The following ATRX variants were observed in gnomAD, a reference collection of about 807,000 sequenced individuals.
ATRX encodes the protein chromatin remodeler ATRX.
A neutral mutation model predicts 172.6 loss-of-function variants in ATRX; 12 were observed. The observed-to-expected ratio is 0.07, with a 90% CI of 0.04 to 0.11. ATRX has a LOEUF of 0.11. ATRX is among the 10% of genes least tolerant of loss of function. The pLI is 1.00. For missense variants in ATRX, 1,368 were observed against 1,767.4 expected, an observed-to-expected ratio of 0.77 and a Z score of 4.05; for synonymous variants, 674 against 594.7, an observed-to-expected ratio of 1.13 and a Z score of -1.94.
chrX:77,774,493 C>T (rs944963048), intron 1 of ATRX, among the ~76,000 whole-genome samples: 40 of 110,695 alleles, frequency 3.6e-4, no homozygotes, highest in African/African-American at 1.1e-3. Flanking sequence ...CTGGCTAACA[C>T]GGTGAAAACC....
chrX:77,664,782 GA>G lies in ATRX; in HGVS notation c.3810-5del. 1 of 1,196,410 alleles carries G rather than the reference GA, an allele frequency of 8.4e-7. No homozygotes were observed. The highest frequency in any genetic ancestry group is 1.1e-6 in the Non-Finnish European group (1 of 885,349). On this transcript the variant is annotated splice_region_variant and splice_polypyrimidine_tract_variant and intron_variant, in intron 10 of 34. Transcript: ENST00000373344. ...TAAAAGCATCTTCTTGGCAATTCTT[GA>G]GAGTAAAAAACAATAAAAAAAGAAC...
intron 1 of ATRX, among the ~76,000 whole-genome samples, chrX:77,770,172 G>A (rs2076110709): frequency 9.2e-6 from 1 of 108,268 alleles, no homozygotes; most frequent in Non-Finnish European, 1.9e-5. Context: ...GCACAATCTC[G>A]GCTCACTGCA....
intron 34 of ATRX, among the ~76,000 whole-genome samples, chrX:77,514,698 G>C (rs1324716685): frequency 1.8e-5 from 2 of 112,003 alleles, no homozygotes; most frequent in African/African-American, 6.5e-5. Context: ...TATAGGAATG[G>C]GCAAAGATTT....
At chrX:77,607,069 T>C (rs1170082446) in intron 22 of ATRX, among the ~76,000 whole-genome samples, 2 of 111,689 alleles carry the variant, frequency 1.8e-5, no homozygotes, top group Non-Finnish European at 3.8e-5. Context: ...CTCTAAGATC[T>C]TGAACACAAC....
intron 30 of ATRX, among the ~76,000 whole-genome samples, chrX:77,535,453 T>C (rs963090681): frequency 2.7e-4 from 30 of 112,072 alleles, no homozygotes; most frequent in African/African-American, 8.7e-4. Flanking sequence ...CCTTTAAAAA[T>C]TGGATATCCA....
chrX:77,777,189 ACT>A (rs1491414493), intron 1 of ATRX, among the ~76,000 whole-genome samples: 45 of 68,299 alleles, frequency 6.6e-4, no homozygotes, highest in African/African-American at 2.8e-3. Context: ...CCCTGTCTCT[ACT>A]AAAAAAAAAA....
rs1557106474 is a variant in ATRX at position 77,633,284 on chromosome X, T to C, written c.5057A>G (p.Tyr1686Cys). 8.3e-7 allele frequency: 1 copy of C among 1,208,052 alleles called. No homozygotes were observed. Among genetic ancestry groups the C allele is most frequent in the African/African-American group, 1.8e-5 (1 of 57,142 alleles). Residue 1686 changes from tyrosine (Y) to cysteine (C), a missense_variant, in exon 19 of 35, where the codon TAT becomes TGT. This residue lies in a region of ATRX where 23 missense variants were observed against 143.8 expected (regional missense o/e 0.16). Transcript: ENST00000373344. ...ATTCCTTCCTTGAGCAAGATTTCTA[T>C]ACATCTCATAGCCTATGATCATAAC... is the stretch of plus-strand genomic sequence containing the variant. Reference protein sequence around the residue: ...GGVMIIGYEMYRNLAQGRNVK... With the variant: ...GGVMIIGYEMCRNLAQGRNVK...
At chrX:77,559,001 G>C (rs1236319627) in intron 28 of ATRX, among the ~76,000 whole-genome samples, 155 bp from the exon 29 acceptor site, 1 of 110,527 alleles carries the variant, frequency 9.0e-6, no homozygotes, top group Non-Finnish European at 1.9e-5. Context: ...TATTATCTAA[G>C]GAGTCAGGAT....
At chrX:77,518,252 T>A (rs1225156433) in intron 34 of ATRX, among the ~76,000 whole-genome samples, 1 of 112,203 alleles carries the variant, frequency 8.9e-6, no homozygotes, top group African/African-American at 3.2e-5. Flanking sequence ...AATGTTATGA[T>A]CTGGTATTTG....
chrX:77,699,227 G>A (rs1215818095), intron 2 of ATRX, among the ~76,000 whole-genome samples: 3 of 110,327 alleles, frequency 2.7e-5, no homozygotes, highest in East Asian at 2.8e-4. Context: ...TCAACCTCCC[G>A]GGTTCAGGTG....
intron 2 of ATRX, 123 bp from the exon 3 acceptor site, chrX:77,698,752 C>G (rs2072331273): frequency 1.8e-6 from 1 of 540,818 alleles, no homozygotes; most frequent in East Asian, 3.6e-5. Context: ...TGTTAACATA[C>G]TACTCACATT....
intron 9 of ATRX, among the ~76,000 whole-genome samples, chrX:77,680,261 A>G (rs1169783667): frequency 2.7e-5 from 3 of 112,175 alleles, no homozygotes; most frequent in Non-Finnish European, 5.6e-5. Context: ...GTGAACTTGA[A>G]GTTACAATAG....
intron 15 of ATRX, among the ~76,000 whole-genome samples, chrX:77,643,790 T>C (rs1420598140): frequency 9.0e-6 from 1 of 111,197 alleles, no homozygotes; most frequent in Admixed American, 9.5e-5. Flanking sequence ...TGTGTCCAGG[T>C]AAAATACATG....
chrX:77,657,064 G>T (rs186701484), intron 12 of ATRX, among the ~76,000 whole-genome samples: 1 of 111,635 alleles, frequency 9.0e-6, no homozygotes, highest in African/African-American at 3.2e-5. Context: ...CACAACCGAA[G>T]AACTCGGAAA....
intron 12 of ATRX, among the ~76,000 whole-genome samples, chrX:77,657,200 A>T (rs1412727334): frequency 9.0e-6 from 1 of 111,457 alleles, no homozygotes; most frequent in East Asian, 2.8e-4. Context: ...CCTGGTTTTG[A>T]CCAGAAGGCA....
intron 22 of ATRX, among the ~76,000 whole-genome samples, chrX:77,609,084 C>T (rs1233403668): frequency 9.0e-6 from 1 of 111,630 alleles, no homozygotes; most frequent in Non-Finnish European, 1.9e-5. Flanking sequence ...AAAAGACAGA[C>T]AAACGCTGGC....
At chrX:77,651,987 G>A (rs1034089094) in intron 15 of ATRX, 127 bp downstream of exon 15, 3 of 659,773 alleles carry the variant, frequency 4.5e-6, no homozygotes, top group Middle Eastern at 4.4e-4. Context: ...ACTCACGCCT[G>A]TAATCCCAGA....
chrX:77,774,822 G>C (rs1043915436), intron 1 of ATRX, among the ~76,000 whole-genome samples: 2 of 111,829 alleles, frequency 1.8e-5, no homozygotes, highest in Non-Finnish European at 3.8e-5. Context: ...TGATCCTCCT[G>C]ACTCTAGCTT....
intron 2 of ATRX, among the ~76,000 whole-genome samples, chrX:77,701,629 G>A (rs1282929906): frequency 9.0e-6 from 1 of 111,232 alleles, no homozygotes; most frequent in African/African-American, 3.3e-5. Flanking sequence ...AATGCTTTCC[G>A]AAACCCTTAA....
Sources: allele counts gnomAD v4.1 joint callset (sites outside exome capture counted in the v4.1 genomes callset), GRCh38; gene constraint gnomAD v4.1.1; regional missense constraint gnomAD v4.1.1; transcripts MANE v1.5; gene names NCBI Gene and HGNC (gene_info 2026-07-23, HGNC 2026-07-21).